The following ADGRV1 variants were observed in gnomAD, a reference collection of about 807,000 sequenced individuals.
ADGRV1 encodes G-protein coupled receptor 98.
In ADGRV1, 359 loss-of-function variants were observed where a neutral mutation model predicts 596.2. The ratio of observed to expected loss-of-function variants is 0.60; its 90% CI spans 0.55 to 0.66. ADGRV1 has a LOEUF of 0.66. Ranked by LOEUF, ADGRV1 falls within the 30% of genes least tolerant of loss-of-function variation. The probability of loss-of-function intolerance (pLI) is 0.00; values close to 1 mark genes in which losing one functional copy is unlikely to be tolerated. For missense variants in ADGRV1, 7,274 were observed against 7,575.6 expected, an observed-to-expected ratio of 0.96 and a Z score of 1.48; for synonymous variants, 2,681 against 2,679.2, an observed-to-expected ratio of 1.00 and a Z score of -0.02.
At chr5:90,899,647 G>A (rs759127693) in intron 83 of ADGRV1, among the ~76,000 whole-genome samples, 12 of 152,064 alleles carry the variant, frequency 7.9e-5, no homozygotes, top group African/African-American at 2.7e-4. Flanking sequence ...TCCCACCCTC[G>A]TTCTTTGTAT....
chr5:90,960,621 C>T (rs576647043), intron 83 of ADGRV1, among the ~76,000 whole-genome samples: 1 of 151,868 alleles, frequency 6.6e-6, no homozygotes, highest in Admixed American at 6.6e-5. Flanking sequence ...AAAGGAATAA[C>T]CAGGTATTAA....
intron 76 of ADGRV1, 98 bp downstream of exon 76, chr5:90,823,694 G>A (rs2150302582): frequency 1.9e-6 from 2 of 1,057,642 alleles, no homozygotes; most frequent in Admixed American, 2.4e-5. Flanking sequence ...ATTGTTGATA[G>A]GGAGATTCTT....
chr5:90,899,068 T>A (rs1409305011), intron 83 of ADGRV1: 1 of 152,234 alleles, frequency 6.6e-6, no homozygotes, highest in African/African-American at 2.4e-5. Flanking sequence ...AAACAGACTC[T>A]GCTGCTGTCT....
rs1746366498 is a variant in ADGRV1, at chr5:90,690,779, GCT to G, written c.6707-15_6707-14del. ...TCACTTTGTATTTGAAATGAACTCT[GCT>G]CTGTCTACCCTTCAGGTTTTCAGAT... On this transcript the variant is annotated splice_polypyrimidine_tract_variant and intron_variant, in intron 30 of 89. Coordinates refer to ENST00000405460, the MANE Select transcript of ADGRV1 (RefSeq NM_032119.4). 6.3e-7 allele frequency: 1 copy of G among 1,583,154 alleles called. No homozygotes were observed. The highest frequency in any genetic ancestry group is 1.3e-5 in the African/African-American group (1 of 74,476).
chr5:91,062,467 A>G (rs769784677), intron 85 of ADGRV1, among the ~76,000 whole-genome samples: 10 of 152,174 alleles, frequency 6.6e-5, no homozygotes, highest in Non-Finnish European at 1.5e-4. Flanking sequence ...CCCCCTTTCC[A>G]GAAACTTTGA....
chr5:90,668,019 C>G (rs997093060), intron 21 of ADGRV1, among the ~76,000 whole-genome samples: 1 of 151,702 alleles, frequency 6.6e-6, no homozygotes. Flanking sequence ...TCAAAGCTGT[C>G]AGACAGGGAC....
At chr5:90,741,236 A>T (rs551693182) in intron 50 of ADGRV1, among the ~76,000 whole-genome samples, 1 of 152,118 alleles carries the variant, frequency 6.6e-6, no homozygotes, top group East Asian at 1.9e-4. Flanking sequence ...TGGCCTCCAC[A>T]CTATCTTTAC....
chr5:90,718,100 A>G (rs1750395753), intron 43 of ADGRV1: 1 of 152,180 alleles, frequency 6.6e-6, no homozygotes, highest in Admixed American at 6.5e-5. Flanking sequence ...AAAATTTTTC[A>G]TCATTCCAAG....
At chr5:91,151,994 T>C (rs1342039237) in intron 88 of ADGRV1, among the ~76,000 whole-genome samples, 1 of 152,346 alleles carries the variant, frequency 6.6e-6, no homozygotes, top group East Asian at 1.9e-4. Flanking sequence ...TGATAGGCAG[T>C]AGCTGTAACC....
intron 87 of ADGRV1, among the ~76,000 whole-genome samples, chr5:91,115,872 T>C (rs1428120945): frequency 1.3e-5 from 2 of 152,006 alleles, no homozygotes; most frequent in African/African-American, 4.8e-5. Flanking sequence ...GCTTGAACAC[T>C]GGAGGCGGAG....
At chr5:90,646,189 C>T (rs1482479938) in intron 16 of ADGRV1, 98 bp downstream of exon 16, 25 of 680,630 alleles carry the variant, frequency 3.7e-5, no homozygotes, top group Non-Finnish European at 4.9e-5. Flanking sequence ...TATGCACGTG[C>T]GTATATACAT....
chr5:91,069,243 T>G (rs1788163315), intron 85 of ADGRV1, among the ~76,000 whole-genome samples: 1 of 152,088 alleles, frequency 6.6e-6, no homozygotes, highest in African/African-American at 2.4e-5. Context: ...ACAATGTCCA[T>G]GGAGATTTCA....
chr5:90,936,653 T>C (rs1561968652), intron 83 of ADGRV1, among the ~76,000 whole-genome samples: 1 of 152,084 alleles, frequency 6.6e-6, no homozygotes, highest in Non-Finnish European at 1.5e-5. Flanking sequence ...TAGTTTTGTT[T>C]TGTAGATACA....
intron 20 of ADGRV1, among the ~76,000 whole-genome samples, chr5:90,657,238 A>G (rs141537358): frequency 0.012 from 1,871 of 151,386 alleles, 36 homozygotes; most frequent in African/African-American, 0.043. Flanking sequence ...CCTGGGCAAC[A>G]TAGCAAGACC....
chr5:90,952,402 T>A (rs1389392234), intron 83 of ADGRV1, among the ~76,000 whole-genome samples: 1 of 152,182 alleles, frequency 6.6e-6, no homozygotes. Flanking sequence ...TTCATCTTTA[T>A]TTCTACTTGC....
intron 67 of ADGRV1, among the ~76,000 whole-genome samples, chr5:90,785,404 T>G (rs1330955769): frequency 6.6e-6 from 1 of 152,056 alleles, no homozygotes; most frequent in Non-Finnish European, 1.5e-5. Context: ...AATTGACAAA[T>G]GGGATCTAAT....
chr5:90,582,660 A>G (rs1758221919), intron 1 of ADGRV1, among the ~76,000 whole-genome samples: 1 of 152,066 alleles, frequency 6.6e-6, no homozygotes, highest in South Asian at 2.1e-4. Flanking sequence ...GAGCTCCTGG[A>G]TTCAAGAGAT....
intron 4 of ADGRV1, among the ~76,000 whole-genome samples, chr5:90,622,331 A>G (rs1254848605): frequency 6.6e-6 from 1 of 152,214 alleles, no homozygotes; most frequent in South Asian, 2.1e-4. Context: ...TAAATTCCTC[A>G]GCAGAACAGC....
At chr5:90,754,693 T>G (rs887610288) in intron 54 of ADGRV1, among the ~76,000 whole-genome samples, 2 of 152,274 alleles carry the variant, frequency 1.3e-5, no homozygotes, top group East Asian at 1.9e-4. Context: ...TGCAGCAATT[T>G]CTGTTAAAGT....
Sources: gnomAD v4.1 joint callset for allele counts (sites outside exome capture counted in the v4.1 genomes callset) on GRCh38, gnomAD v4.1.1 for gene constraint, MANE v1.5 for transcripts, NCBI Gene and HGNC (gene_info 2026-07-23, HGNC 2026-07-21) for gene names.